Variants in TAF8 observed in about 807,000 individuals in gnomAD.
The protein encoded by TAF8 is transcription initiation factor TFIID subunit 8.
A neutral mutation model predicts 36.5 loss-of-function variants in TAF8; 47 were observed. The ratio of observed to expected loss-of-function variants is 1.29; its 90% CI spans 1.02 to 1.64. TAF8 has a LOEUF of 1.64. TAF8 is among the 40% of genes most tolerant of loss of function. The pLI is 0.00. For synonymous variants in TAF8, 175 were observed against 159.5 expected, an observed-to-expected ratio of 1.10 and a Z score of -0.73; for missense variants, 420 against 407.6, an observed-to-expected ratio of 1.03 and a Z score of -0.26.
At chr6:42,054,930 T>C (rs1020893654) in intron 2 of TAF8, among the ~76,000 whole-genome samples, 2 of 147,474 alleles carry the variant, frequency 1.4e-5, no homozygotes, top group African/African-American at 5.0e-5. Context: ...CTTTTTCTTT[T>C]CTTTTTTTTT....
chr6:42,068,452 T>A lies in TAF8; in HGVS notation c.638-13T>A, dbSNP rs1765443018. 1 of 1,613,662 alleles carries A rather than the reference T, an allele frequency of 6.2e-7. No individual in the cohort carries two copies. The highest frequency in any genetic ancestry group is 1.1e-5 in the South Asian group (1 of 91,080). Reference sequence around the variant, plus strand: ...TGTGACAGTGGACTCATGCCTCTCTTCCAATTCGCCAGTGATTGCTGCCAG... The same window carrying A: ...TGTGACAGTGGACTCATGCCTCTCTACCAATTCGCCAGTGATTGCTGCCAG... On this transcript the variant is annotated splice_polypyrimidine_tract_variant and intron_variant, in intron 6 of 8. Coordinates refer to ENST00000372977, the MANE Select transcript of TAF8 (RefSeq NM_138572.3).
chr6:42,087,015 T>C, downstream of TAF8: 1 of 557,734 alleles, frequency 1.8e-6, no homozygotes, highest in South Asian at 2.2e-5. Context: ...TGAAATACTC[T>C]CCCTCCTCTC....
downstream of TAF8, among the ~76,000 whole-genome samples, chr6:42,084,657 T>G (rs375013156): frequency 8.2e-4 from 125 of 152,220 alleles, 1 homozygote; most frequent in Middle Eastern, 0.017. Context: ...GAGATGGGGT[T>G]TCACCATGTT....
In TAF8 at chr6:42,078,797, G is replaced by C; in HGVS notation, c.*1252G>C. On this transcript the variant is annotated 3_prime_UTR_variant, in exon 9 of 9. Transcript: ENST00000372977. ...TAGAGCGTCGGCTCTATTATGCTGG[G>C]ACTTGACAGAGGAGCCATGGGGTTT... The C allele has an allele frequency of 1.0e-6, 1 of 985,422 alleles. No individual in the cohort carries two copies. The highest frequency in any genetic ancestry group is 1.2e-6 in the Non-Finnish European group (1 of 829,974). The allele number at this position is 985,422 out of a possible 1,614,324, so 61.0% of individuals were successfully genotyped here. A position where few individuals can be genotyped will look rare whatever the true frequency, so the allele number is the denominator to read the frequency against.
chr6:42,055,874 T>C, intron 3 of TAF8, 78 bp from the exon 4 acceptor site: 1 of 1,014,408 alleles, frequency 9.9e-7, no homozygotes, highest in Non-Finnish European at 1.6e-6. Context: ...TTTAAGCCAT[T>C]TGTCCATACT....
rs563763544 is a variant in TAF8 at position 42,064,872 on chromosome 6, G to C, written c.490-1440G>C. 2.8e-4 allele frequency among the ~76,000 whole-genome samples: 19 copies of C among 68,094 alleles called. No individual in the cohort carries two copies. The East Asian group carries it at 9.6e-3, about 34-fold the overall frequency. The allele number at this position is 68,094 out of a possible 152,430, so 44.7% of individuals were successfully genotyped here. On this transcript the variant is annotated intron_variant, in intron 5 of 8. Coordinates refer to ENST00000372977, the MANE Select transcript of TAF8 (RefSeq NM_138572.3). ...CTCGGGAGGCTGAGGCAGGAGAATG[G>C]CATGCACCCGGGGGGCGGAGCTTGC... is the stretch of plus-strand genomic sequence containing the variant.
At chr6:42,076,100 TG>T (rs941081388) in intron 7 of TAF8, among the ~76,000 whole-genome samples, 2 of 151,584 alleles carry the variant, frequency 1.3e-5, no homozygotes, top group Non-Finnish European at 2.9e-5. Context: ...CCCAGCTACT[TG>T]GGAGGCTGAG....
intron 2 of TAF8, among the ~76,000 whole-genome samples, chr6:42,052,841 G>C (rs1764845308): frequency 6.6e-6 from 1 of 152,020 alleles, no homozygotes; most frequent in African/African-American, 2.4e-5. Context: ...TGCAATGCAG[G>C]CCCAATAAAG....
chr6:42,071,802 A>G (rs1364208110), intron 7 of TAF8, among the ~76,000 whole-genome samples: 2 of 152,188 alleles, frequency 1.3e-5, no homozygotes, highest in Non-Finnish European at 2.9e-5. Context: ...AAGAGGAATC[A>G]TGTAAACAAA....
chr6:42,067,863 CCTT>C (rs1476822872), intron 6 of TAF8, among the ~76,000 whole-genome samples: 1 of 152,204 alleles, frequency 6.6e-6, no homozygotes, highest in East Asian at 1.9e-4. Context: ...CCACACCCGG[CCTT>C]CTTTCTTTTA....
In TAF8 at chr6:42,060,834, T is replaced by C. The variant is rs79519745; in HGVS notation, c.489+3321T>C. On this transcript the variant is annotated intron_variant, in intron 5 of 8. Coordinates refer to ENST00000372977, the MANE Select transcript of TAF8 (RefSeq NM_138572.3). ...ATGCAATTAGCTATACTGCCATAAA[T>C]TGAGAATATTCACAAATAGTTTCCA... 2.0e-3 allele frequency among the ~76,000 whole-genome samples: 298 copies of C among 152,330 alleles called. 4 individuals are homozygous for C. In the East Asian group the frequency reaches 0.037, roughly 19 times the overall value.
At chr6:42,085,265 T>C (rs1766010144), downstream of TAF8, among the ~76,000 whole-genome samples, 1 of 152,216 alleles carries the variant, frequency 6.6e-6, no homozygotes, top group Non-Finnish European at 1.5e-5. Flanking sequence ...GTATGTCTTA[T>C]CCTAACTTAT....
rs749522287 is a variant in TAF8 at position 42,051,469 on chromosome 6, C to G, written c.158C>G (p.Ala53Gly). ...SLLTEAGFES[A>G]EKASVETLTE... ...CTGACAGAGGCAGGGTTTGAGAGTGCCGAGAAAGCATCCGTGGAAACGCTG... is the reference window on the plus strand; with the variant it reads ...CTGACAGAGGCAGGGTTTGAGAGTGGCGAGAAAGCATCCGTGGAAACGCTG... Residue 53 changes from alanine (A) to glycine (G), a missense_variant, in exon 2 of 9, where the codon GCC becomes GGC. Transcript: ENST00000372977. 6.2e-7 allele frequency: 1 copy of G among 1,613,998 alleles called. No individual in the cohort carries two copies. The highest frequency in any genetic ancestry group is 1.1e-5 in the South Asian group (1 of 91,078).
In TAF8 at chr6:42,077,867, C is replaced by T. The variant is rs1040182579; in HGVS notation, c.*322C>T. The T allele has an allele frequency of 1.5e-6, 1 of 646,038 alleles. No individual in the cohort carries two copies. The highest frequency in any genetic ancestry group is 2.1e-6 in the Non-Finnish European group (1 of 470,172). 40.0% of individuals were successfully genotyped at this position (646,038 alleles called of 1,614,324 possible). On this transcript the variant is annotated 3_prime_UTR_variant, in exon 9 of 9. Transcript: ENST00000372977. ...GCAACCCTGGGTCCAAGTGATTCTC[C>T]TGCCTTGGCCTCCCGAGTAGCTGGG...
chr6:42,086,866 T>G (rs1486343898), downstream of TAF8: 1 of 1,021,394 alleles, frequency 9.8e-7, no homozygotes, highest in African/African-American at 1.6e-5. Context: ...CAGCCCTTGC[T>G]GGTGCAGATG....
Position 42,057,397 on chromosome 6 carries a change from A to G in TAF8, c.373A>G (p.Thr125Ala). 6.2e-7 allele frequency: 1 copy of G among 1,614,078 alleles called. No individual in the cohort carries two copies. Among genetic ancestry groups the G allele is most frequent in the Non-Finnish European group, 8.5e-7 (1 of 1,180,004 alleles). ...QRMVITAPPVTNQPVTPKALT... is the reference protein window; with the variant it reads ...QRMVITAPPVANQPVTPKALT... ...TTGTGACTCTGTTGCAGCTCCGGTG[A>G]CCAATCAGCCAGTGACCCCCAAGGC... The change falls in exon 5 of 9, where the codon ACC becomes GCC. Residue 125 changes from threonine to alanine, a missense_variant. Thr to Ala is a moderately conservative substitution (Grantham distance 58). Coordinates refer to ENST00000372977, the MANE Select transcript of TAF8 (RefSeq NM_138572.3).
downstream of TAF8, chr6:42,086,574 A>C: frequency 1.2e-6 from 1 of 829,594 alleles, no homozygotes; most frequent in Non-Finnish European, 2.0e-6. Flanking sequence ...CTGGGGAGAA[A>C]CAAACCTTTT....
chr6:42,077,912 A>C lies in TAF8; in HGVS notation c.*367A>C. On this transcript the variant is annotated 3_prime_UTR_variant, in exon 9 of 9. Transcript: ENST00000372977. ...GCTGGGACTAGAGGCAAGCGCCACC[A>C]TGCTGGCTAATTTTTGTATTTTGAG... 3.1e-6 allele frequency: 1 copy of C among 317,884 alleles called. No homozygotes were observed. The highest frequency in any genetic ancestry group is 5.1e-6 in the Non-Finnish European group (1 of 197,464). The allele number at this position is 317,884 out of a possible 1,614,324, so 19.7% of individuals were successfully genotyped here.
At chr6:42,066,287 A>G (rs776883592) in intron 5 of TAF8, 25 bp from the exon 6 acceptor site, 10 of 1,611,986 alleles carry the variant, frequency 6.2e-6, no homozygotes, top group East Asian at 4.5e-5. Flanking sequence ...GCATCACCCC[A>G]GTGTCTTTGC....
Sources: gnomAD v4.1 joint callset for allele counts (sites outside exome capture counted in the v4.1 genomes callset) on GRCh38, gnomAD v4.1.1 for gene constraint, MANE v1.5 for transcripts, NCBI Gene and HGNC (gene_info 2026-07-23, HGNC 2026-07-21) for gene names.